ASXL3: variants seen among roughly 807,000 people sequenced by gnomAD.
The protein encoded by ASXL3 is ASXL transcriptional regulator 3.
A neutral mutation model predicts 170.6 loss-of-function variants in ASXL3; 34 were observed. The ratio of observed to expected loss-of-function variants is 0.20; its 90% confidence interval spans 0.15 to 0.27. The LOEUF is 0.27. Ranked by LOEUF, ASXL3 falls within the 10% of genes least tolerant of loss-of-function variation. The probability of loss-of-function intolerance (pLI) is 1.00; values close to 1 mark genes in which losing one functional copy is unlikely to be tolerated. For missense variants in ASXL3, 2,592 were observed against 2,695.3 expected, an observed-to-expected ratio of 0.96 and a Z score of 0.85; for synonymous variants, 1,002 against 989.1, an observed-to-expected ratio of 1.01 and a Z score of -0.24.
At chr18:33,633,077 C>T (rs528210682) in intron 2 of ASXL3, among the ~76,000 whole-genome samples, 8 of 152,298 alleles carry the variant, frequency 5.3e-5, no homozygotes, top group African/African-American at 1.7e-4. Context: ...CTGCTCCTCC[C>T]ACGTGGTATG....
chr18:33,632,125 C>T (rs2145173915), intron 2 of ASXL3, among the ~76,000 whole-genome samples: 1 of 152,162 alleles, frequency 6.6e-6, no homozygotes, highest in African/African-American at 2.4e-5. Context: ...GCCAGATCGC[C>T]TAGATAGCTT....
At chr18:33,718,747 C>T (rs1182632162) in intron 8 of ASXL3, among the ~76,000 whole-genome samples, 1 of 151,240 alleles carries the variant, frequency 6.6e-6, no homozygotes, top group Non-Finnish European at 1.5e-5. Context: ...ATTTCTGCCC[C>T]TTTTGGCTAA....
intron 8 of ASXL3, among the ~76,000 whole-genome samples, chr18:33,701,944 G>C (rs1425472362): frequency 6.6e-6 from 1 of 151,818 alleles, no homozygotes; most frequent in Non-Finnish European, 1.5e-5. Flanking sequence ...GTATCTTCAA[G>C]TTTGCTGACA....
At position 33,747,712 on chromosome 18, in the gene ASXL3, A is replaced by ATAAT. The variant is rs1445859174; in HGVS notation, c.*1119_*1122dup. The ATAAT allele has an allele frequency of 3.3e-5, 5 of 152,212 alleles. No homozygotes were observed. The highest frequency in any genetic ancestry group is 2.1e-4 in the South Asian group (1 of 4,832). The allele number at this position is 152,212 out of a possible 1,614,324, so 9.4% of individuals were successfully genotyped here. ...GCTTTTCTCATTATTTACAACCTATATAATTCAACTTTGAAATAACCCTTA... is the reference window on the plus strand; with the variant it reads ...GCTTTTCTCATTATTTACAACCTATATAATTAATTCAACTTTGAAATAACCCTTA... On this transcript the variant is annotated 3_prime_UTR_variant, in exon 12 of 12. Coordinates refer to ENST00000269197, the MANE Select transcript of ASXL3 (RefSeq NM_030632.3).
intron 8 of ASXL3, among the ~76,000 whole-genome samples, chr18:33,720,795 G>A (rs1355297097): frequency 6.6e-6 from 1 of 152,042 alleles, no homozygotes; most frequent in Non-Finnish European, 1.5e-5. Flanking sequence ...TTTGCCACAG[G>A]CTACATCTCT....
chr18:33,656,233 G>A lies in ASXL3; in HGVS notation c.356-5383G>A, dbSNP rs192015567. ...ATAACTTTTTAAAATTACATTAGGAGGGAATACCAACCTATAATATATGTC... is the reference window on the plus strand; with the variant it reads ...ATAACTTTTTAAAATTACATTAGGAAGGAATACCAACCTATAATATATGTC... On this transcript the variant is annotated intron_variant, in intron 4 of 11. Coordinates refer to ENST00000269197, the MANE Select transcript of ASXL3 (RefSeq NM_030632.3). Among the ~76,000 whole-genome samples, 3 of 152,036 alleles carry A rather than the reference G, an allele frequency of 2.0e-5. No individual in the cohort carries two copies. The East Asian group carries it at 5.8e-4, about 29-fold the overall frequency.
chr18:33,745,419 G>C lies in ASXL3; in HGVS notation c.5571G>C (p.Val1857=), dbSNP rs2067762580. ...TGGTGGAGCCAGATGTTAAAGGGGT[G>C]CCTTGTGTCATCAGTTCCGGCATCA... ...KLLVEPDVKG[V]PCVISSGISQ... The change falls in exon 12 of 12, where the codon GTG becomes GTC. Residue 1857 remains valine (V), a synonymous_variant. Transcript: ENST00000269197. 1 of 1,613,970 alleles carries C rather than the reference G, an allele frequency of 6.2e-7. No homozygotes were observed. The highest frequency in any genetic ancestry group is 1.1e-5 in the South Asian group (1 of 91,084).
chr18:33,625,471 A>C (rs1484823660), intron 2 of ASXL3, among the ~76,000 whole-genome samples: 2 of 152,020 alleles, frequency 1.3e-5, no homozygotes, highest in Non-Finnish European at 2.9e-5. Flanking sequence ...AACCAAGTGA[A>C]CTCTCTCTTT....
In ASXL3 at chr18:33,606,130, C is replaced by T. The variant is rs143707555; in HGVS notation, c.55-1464C>T. On this transcript the variant is annotated intron_variant, in intron 1 of 11. Transcript: ENST00000269197. ...TCTTTACAGCTCTATTATGCAGTTT[C>T]CTTATTGCCTTTTTTCCAATATATT... 7.9e-5 allele frequency among the ~76,000 whole-genome samples: 12 copies of T among 152,024 alleles called. No individual in the cohort carries two copies. The East Asian group carries it at 1.9e-3, about 25-fold the overall frequency.
Position 33,662,673 on chromosome 18 carries a change from G to A in ASXL3, c.477+936G>A, listed in dbSNP as rs16964838. Among the ~76,000 whole-genome samples the A allele has an allele frequency of 9.5e-3, 1,442 of 152,246 alleles. 21 individuals are homozygous for A. The highest frequency in any genetic ancestry group is 0.033 in the African/African-American group (1,372 of 41,542). On this transcript the variant is annotated intron_variant, in intron 5 of 11. Transcript: ENST00000269197. ...GAATTCATAGTTTCCCCTTGTTTAA[G>A]TGCTTTCCTCTGATACAATCATCTA... is the stretch of plus-strand genomic sequence containing the variant.
intron 5 of ASXL3, among the ~76,000 whole-genome samples, chr18:33,663,200 A>G (rs900151712): frequency 1.3e-5 from 2 of 152,170 alleles, no homozygotes; most frequent in Non-Finnish European, 2.9e-5. Flanking sequence ...CAGACAGCAA[A>G]TAAGATGCAG....
At chr18:33,724,920 T>A (rs2067323170) in intron 8 of ASXL3, among the ~76,000 whole-genome samples, 1 of 152,182 alleles carries the variant, frequency 6.6e-6, no homozygotes, top group African/African-American at 2.4e-5. Context: ...ACAGCCTTCT[T>A]TCATTTTTAT....
At chr18:33,617,243 G>A (rs1345571720) in intron 2 of ASXL3, among the ~76,000 whole-genome samples, 1 of 152,046 alleles carries the variant, frequency 6.6e-6, no homozygotes, top group Non-Finnish European at 1.5e-5. Context: ...TGTAATCCCA[G>A]TACTTTGGGA....
intron 1 of ASXL3, among the ~76,000 whole-genome samples, chr18:33,586,979 T>C (rs1348548337): frequency 6.6e-6 from 1 of 152,170 alleles, no homozygotes; most frequent in Non-Finnish European, 1.5e-5. Flanking sequence ...AGCTCACATT[T>C]AACTCCTCCT....
At chr18:33,686,659 G>T (rs1309463814) in intron 8 of ASXL3, among the ~76,000 whole-genome samples, 1 of 152,202 alleles carries the variant, frequency 6.6e-6, no homozygotes, top group East Asian at 1.9e-4. Flanking sequence ...CCACCTAAAG[G>T]AGAAAATGGT....
intron 10 of ASXL3, among the ~76,000 whole-genome samples, chr18:33,735,899 A>G (rs2145406266): frequency 6.6e-6 from 1 of 152,288 alleles, no homozygotes; most frequent in Admixed American, 6.5e-5. Flanking sequence ...CTGCTCCCAG[A>G]GAGCCTCAGT....
At chr18:33,646,750 TC>T (rs1291535155) in intron 4 of ASXL3, among the ~76,000 whole-genome samples, 1 of 151,792 alleles carries the variant, frequency 6.6e-6, no homozygotes, top group South Asian at 2.1e-4. Context: ...ACAGCTTTGT[TC>T]CTTGGTTTGT....
chr18:33,739,718 C>T lies in ASXL3; in HGVS notation c.2314C>T (p.Pro772Ser), dbSNP rs761956566. ...AATGGCACATCAGCAAAGAAAGTCA[C>T]CTTCTGTATCTGAAGAGCCACTCTC... ...ERMAHQQRKS[P>S]SVSEEPLSPQ... The change falls in exon 11 of 12, where the codon CCT (proline) becomes TCT (serine). Residue 772 changes from proline (P) to serine (S), a missense_variant. Physicochemically the swap from Pro to Ser is moderately conservative, Grantham distance 74. Coordinates refer to ENST00000269197, the MANE Select transcript of ASXL3 (RefSeq NM_030632.3). 6 of 1,613,886 alleles carry T rather than the reference C, an allele frequency of 3.7e-6. No individual in the cohort carries two copies. Among genetic ancestry groups the T allele is most frequent in the Middle Eastern group, 1.6e-4 (1 of 6,062 alleles).
chr18:33,713,543 C>T (rs1480951387), intron 8 of ASXL3, among the ~76,000 whole-genome samples: 1 of 152,048 alleles, frequency 6.6e-6, no homozygotes, highest in South Asian at 2.1e-4. Flanking sequence ...GCGTGAGCCA[C>T]CGTGCCCGGC....
Sources: allele counts gnomAD v4.1 joint callset (sites outside exome capture counted in the v4.1 genomes callset), GRCh38; gene constraint gnomAD v4.1.1; transcripts MANE v1.5; gene names NCBI Gene and HGNC (gene_info 2026-07-23, HGNC 2026-07-21).